DCC: variants seen among roughly 807,000 people sequenced by gnomAD.
The protein encoded by DCC is netrin receptor DCC.
DCC carries 58 observed loss-of-function variants against 172.5 expected under a neutral mutation model. The observed-to-expected ratio is 0.34, with a 90% confidence interval of 0.27 to 0.42. DCC has a LOEUF of 0.42. DCC is among the 10% of genes least tolerant of loss of function. The pLI, the probability that DCC is intolerant of heterozygous loss-of-function variation, is 1.00. For missense variants in DCC, 1,740 were observed against 1,791.0 expected, an observed-to-expected ratio of 0.97 and a Z score of 0.51; for synonymous variants, 709 against 644.5, an observed-to-expected ratio of 1.10 and a Z score of -1.52.
intron 1 of DCC, among the ~76,000 whole-genome samples, chr18:52,592,275 AC>A (rs1198109127): frequency 6.6e-6 from 1 of 152,202 alleles, no homozygotes; most frequent in Non-Finnish European, 1.5e-5. Context: ...TGCAGAAGAA[AC>A]TTTTTGCAGA....
intron 1 of DCC, among the ~76,000 whole-genome samples, chr18:52,675,307 G>A (rs1430915644): frequency 2.0e-5 from 3 of 151,940 alleles, no homozygotes; most frequent in Admixed American, 1.3e-4. Context: ...CAACTGCCTC[G>A]GCCTCCCAAA....
At chr18:52,345,468 A>G (rs1345813854) in intron 1 of DCC, among the ~76,000 whole-genome samples, 1 of 152,330 alleles carries the variant, frequency 6.6e-6, no homozygotes, top group African/African-American at 2.4e-5. Context: ...ATCTTAAGGA[A>G]TCATAGCTTG....
chr18:52,505,764 A>C (rs2031209687), intron 1 of DCC, among the ~76,000 whole-genome samples: 1 of 151,972 alleles, frequency 6.6e-6, no homozygotes. Flanking sequence ...CTTGAAAATT[A>C]AAATTGTAAA....
chr18:53,217,082 A>G (rs1214229123), intron 12 of DCC, among the ~76,000 whole-genome samples: 1 of 152,090 alleles, frequency 6.6e-6, no homozygotes, highest in African/African-American at 2.4e-5. Flanking sequence ...TTGATATACA[A>G]GCTATTTTGT....
At chr18:52,626,313 A>G (rs2144869890) in intron 1 of DCC, among the ~76,000 whole-genome samples, 1 of 152,308 alleles carries the variant, frequency 6.6e-6, no homozygotes, top group Middle Eastern at 3.4e-3. Context: ...CACACATTCA[A>G]TTCACAAGCA....
At chr18:52,538,671 C>T (rs537259733) in intron 1 of DCC, among the ~76,000 whole-genome samples, 1 of 152,188 alleles carries the variant, frequency 6.6e-6, no homozygotes, top group Non-Finnish European at 1.5e-5. Context: ...CAGGGCCAGC[C>T]TTGCTATCCT....
chr18:52,743,094 A>G (rs577171987), intron 1 of DCC, among the ~76,000 whole-genome samples: 7 of 152,290 alleles, frequency 4.6e-5, no homozygotes, highest in South Asian at 4.1e-4. Flanking sequence ...CTAAAAGTTG[A>G]TTGGTCACTT....
Position 52,655,727 on chromosome 18 carries a change from A to G in DCC, c.92-96327A>G, listed in dbSNP as rs377450657. ...CATAAAATTTTTCTCCAATAGAAGC[A>G]TAATAAAATTATCTAGATTCTACCT... On this transcript the variant is annotated intron_variant, in intron 1 of 28. Transcript: ENST00000442544. Among the ~76,000 whole-genome samples, 11 of 152,292 alleles carry G rather than the reference A, an allele frequency of 7.2e-5. No homozygotes were observed. In the East Asian group the frequency reaches 1.9e-3, roughly 27 times the overall value.
At chr18:53,062,766 C>A (rs1011147377) in intron 5 of DCC, among the ~76,000 whole-genome samples, 2 of 151,996 alleles carry the variant, frequency 1.3e-5, no homozygotes, top group Admixed American at 6.6e-5. Flanking sequence ...ATTGCTAAGA[C>A]AATAAGAATG....
At chr18:52,648,091 T>C (rs906077810) in intron 1 of DCC, among the ~76,000 whole-genome samples, 1 of 152,184 alleles carries the variant, frequency 6.6e-6, no homozygotes. Context: ...AAGTGAAATA[T>C]GTGAGAAGTT....
chr18:53,267,475 C>G (rs886612447), intron 12 of DCC, among the ~76,000 whole-genome samples: 3 of 151,994 alleles, frequency 2.0e-5, no homozygotes, highest in Non-Finnish European at 2.9e-5. Flanking sequence ...GCATGAGCCA[C>G]TGTGCCCGGC....
chr18:53,173,047 A>T lies in DCC; in HGVS notation c.1419-5915A>T, dbSNP rs150946229. Among the ~76,000 whole-genome samples the T allele has an allele frequency of 4.3e-4, 65 of 152,216 alleles. No individual in the cohort carries two copies. The East Asian group carries it at 0.011, about 27-fold the overall frequency. ...TCTGCTAAAACAAAAATAAGCAAAA[A>T]TCCCCATCTCCATGTGCTCAATCTC... On this transcript the variant is annotated intron_variant, in intron 8 of 28. Coordinates refer to ENST00000442544, the MANE Select transcript of DCC (RefSeq NM_005215.4).
At chr18:52,437,440 G>A (rs936613062) in intron 1 of DCC, among the ~76,000 whole-genome samples, 1 of 152,144 alleles carries the variant, frequency 6.6e-6, no homozygotes, top group African/African-American at 2.4e-5. Context: ...AACAGCAGCT[G>A]GAAATAGGCT....
At chr18:52,571,778 A>G (rs2033299823) in intron 1 of DCC, among the ~76,000 whole-genome samples, 1 of 152,160 alleles carries the variant, frequency 6.6e-6, no homozygotes, top group African/African-American at 2.4e-5. Context: ...TCCATGCTGC[A>G]ATCCCTTGGG....
At position 52,649,391 on chromosome 18, in the gene DCC, A is replaced by G. The variant is rs986715328; in HGVS notation, c.92-102663A>G. Reference sequence around the variant, plus strand: ...CCGTATCAAAAAAAAAAAAAAAAAGATTAACTTTATTCCAGGTACTAGATT... The same window carrying G: ...CCGTATCAAAAAAAAAAAAAAAAAGGTTAACTTTATTCCAGGTACTAGATT... On this transcript the variant is annotated intron_variant, in intron 1 of 28. Transcript: ENST00000442544. Among the ~76,000 whole-genome samples, 6 of 147,510 alleles carry G rather than the reference A, an allele frequency of 4.1e-5. No homozygotes were observed. In the East Asian group the frequency reaches 1.0e-3, roughly 25 times the overall value.
At chr18:53,393,823 A>G (rs996236254) in intron 17 of DCC, among the ~76,000 whole-genome samples, 1 of 152,020 alleles carries the variant, frequency 6.6e-6, no homozygotes, top group Non-Finnish European at 1.5e-5. Context: ...GGTGAGACTC[A>G]GCCCAAAAAG....
intron 21 of DCC, among the ~76,000 whole-genome samples, chr18:53,429,520 C>T (rs188654302): frequency 1.3e-5 from 2 of 152,042 alleles, no homozygotes; most frequent in Non-Finnish European, 2.9e-5. Flanking sequence ...GAATTTACTT[C>T]TCAGGAAGAG....
chr18:53,269,640 A>G (rs929581050), intron 12 of DCC, among the ~76,000 whole-genome samples: 1 of 152,162 alleles, frequency 6.6e-6, no homozygotes, highest in Non-Finnish European at 1.5e-5. Context: ...TCGTCTATGT[A>G]TATTGTATTG....
intron 1 of DCC, among the ~76,000 whole-genome samples, chr18:52,530,575 T>G (rs1438147934): frequency 6.6e-6 from 1 of 152,222 alleles, no homozygotes; most frequent in Non-Finnish European, 1.5e-5. Flanking sequence ...GCTTGGTAGG[T>G]AAAACTGGAA....
Sources: gnomAD v4.1 joint callset for allele counts (sites outside exome capture counted in the v4.1 genomes callset) on GRCh38, gnomAD v4.1.1 for gene constraint, MANE v1.5 for transcripts, NCBI Gene and HGNC (gene_info 2026-07-23, HGNC 2026-07-21) for gene names.